Variants in FGF13 observed in about 807,000 individuals in gnomAD.
The protein encoded by FGF13 is fibroblast growth factor homologous factor 2.
In FGF13, 2 loss-of-function variants were observed where a neutral mutation model predicts 19.5. The observed-to-expected ratio is 0.10, with a 90% confidence interval of 0.04 to 0.32. FGF13 has a LOEUF of 0.32. FGF13 is among the 10% of genes least tolerant of loss of function. The pLI is 1.00. For missense variants in FGF13, 113 were observed against 192.7 expected (o/e 0.59, Z 2.45); for synonymous variants, 72 against 76.9 (o/e 0.94, Z 0.33).
intron 1 of FGF13, among the ~76,000 whole-genome samples, chrX:139,160,642 A>C (rs1193306728): frequency 8.9e-6 from 1 of 112,135 alleles, no homozygotes; most frequent in African/African-American, 3.2e-5. Flanking sequence ...AAATAGACAC[A>C]ATAAAAAATG....
At chrX:138,814,219 C>A (rs1371354077) in intron 3 of FGF13, among the ~76,000 whole-genome samples, 1 of 109,612 alleles carries the variant, frequency 9.1e-6, no homozygotes, top group African/African-American at 3.3e-5. Flanking sequence ...TAGAATTAGA[C>A]AAGTTGTCAC....
intron 1 of FGF13, among the ~76,000 whole-genome samples, chrX:139,089,917 C>T (rs780201092): frequency 3.6e-5 from 4 of 111,149 alleles, no homozygotes; most frequent in Admixed American, 9.6e-5. Flanking sequence ...TAACTCACTG[C>T]GGCCTTGAAC....
intron 1 of FGF13, among the ~76,000 whole-genome samples, chrX:139,131,417 G>A (rs923289103): frequency 9.4e-6 from 1 of 106,508 alleles, no homozygotes; most frequent in Non-Finnish European, 1.9e-5. Context: ...GTGTGTGTGT[G>A]TGTGTGCAAA....
intron 1 of FGF13, among the ~76,000 whole-genome samples, chrX:139,034,570 T>C (rs1319811378): frequency 2.7e-5 from 3 of 111,007 alleles, no homozygotes; most frequent in African/African-American, 9.8e-5. Context: ...AGAGATCTCA[T>C]AGGCTATGGT....
intron 1 of FGF13, among the ~76,000 whole-genome samples, chrX:138,969,770 C>T (rs2091908194): frequency 8.9e-6 from 1 of 111,755 alleles, no homozygotes; most frequent in African/African-American, 3.3e-5. Flanking sequence ...AAGTCTAACA[C>T]CAATGGAAAT....
chrX:139,030,373 G>A (rs898345487), intron 1 of FGF13, among the ~76,000 whole-genome samples: 5 of 111,276 alleles, frequency 4.5e-5, no homozygotes, highest in African/African-American at 1.6e-4. Context: ...CAGACACTGT[G>A]GTGGTAGCTT....
intron 3 of FGF13, among the ~76,000 whole-genome samples, chrX:138,668,695 T>TG (rs1362231824): frequency 9.2e-6 from 1 of 108,876 alleles, no homozygotes; most frequent in Non-Finnish European, 1.9e-5. Flanking sequence ...GGCTGGAAAC[T>TG]GGGGGTGGGG....
chrX:139,075,793 T>C (rs888426453), intron 1 of FGF13, among the ~76,000 whole-genome samples: 4 of 111,490 alleles, frequency 3.6e-5, no homozygotes, highest in Non-Finnish European at 7.5e-5. Context: ...ACCAAACCAA[T>C]AGCAAATTGT....
At chrX:138,752,153 G>A (rs1308998858) in intron 3 of FGF13, among the ~76,000 whole-genome samples, 4 of 111,950 alleles carry the variant, frequency 3.6e-5, no homozygotes, top group African/African-American at 6.5e-5. Context: ...ACGGCCAGGC[G>A]CGGTGACTCA....
chrX:138,983,020 G>A (rs987762084), intron 1 of FGF13, among the ~76,000 whole-genome samples: 6 of 111,437 alleles, frequency 5.4e-5, no homozygotes, highest in Non-Finnish European at 9.4e-5. Context: ...TATTAACCTC[G>A]TATCAGATAT....
chrX:138,865,461 CT>C (rs1217726951), intron 1 of FGF13, among the ~76,000 whole-genome samples: 20 of 82,924 alleles, frequency 2.4e-4, no homozygotes, highest in African/African-American at 1.1e-3. Context: ...CTCTCTCTCT[CT>C]CTCTCTCTCT....
intron 1 of FGF13, among the ~76,000 whole-genome samples, chrX:138,958,090 C>T (rs1225266593): frequency 1.8e-5 from 2 of 111,963 alleles, no homozygotes; most frequent in South Asian, 3.7e-4. Context: ...GAGAAGGCCT[C>T]CCTGCCTTGT....
chrX:138,822,969 C>A (rs2091009020), intron 3 of FGF13, among the ~76,000 whole-genome samples: 1 of 111,742 alleles, frequency 8.9e-6, no homozygotes, highest in South Asian at 3.8e-4. Context: ...ATAACCAACA[C>A]TGCACAGAGT....
intron 1 of FGF13, among the ~76,000 whole-genome samples, chrX:139,036,116 G>A (rs375489198): frequency 1.8e-4 from 20 of 111,883 alleles, no homozygotes; most frequent in African/African-American, 5.2e-4. Flanking sequence ...GAACATTTGC[G>A]AATTCTATTG....
intron 1 of FGF13, among the ~76,000 whole-genome samples, chrX:138,974,858 G>T (rs974307092): frequency 8.9e-6 from 1 of 112,311 alleles, no homozygotes; most frequent in Non-Finnish European, 1.9e-5. Context: ...AATCATATGC[G>T]GTACCTGTTT....
At chrX:138,862,158 C>G (rs2091291796) in intron 2 of FGF13, among the ~76,000 whole-genome samples, 1 of 112,066 alleles carries the variant, frequency 8.9e-6, no homozygotes, top group Non-Finnish European at 1.9e-5. Flanking sequence ...CAACCAGAGA[C>G]AGCCTAGGAA....
chrX:139,078,976 T>G (rs773441067), intron 1 of FGF13, among the ~76,000 whole-genome samples: 1 of 112,738 alleles, frequency 8.9e-6, no homozygotes, highest in Non-Finnish European at 1.9e-5. Context: ...ATACATTTCA[T>G]AGAAGAGTAA....
chrX:138,925,699 C>G (rs909522510), intron 1 of FGF13, among the ~76,000 whole-genome samples: 2 of 111,366 alleles, frequency 1.8e-5, no homozygotes, highest in Non-Finnish European at 3.8e-5. Flanking sequence ...ATCCACATCC[C>G]CCACTGCTCC....
At chrX:138,967,667 T>G (rs776607628) in intron 1 of FGF13, among the ~76,000 whole-genome samples, 23 of 111,312 alleles carry the variant, frequency 2.1e-4, no homozygotes, top group Middle Eastern at 4.6e-3. Flanking sequence ...AAGCCACAAT[T>G]TTGAATACAA....
Sources: allele counts gnomAD v4.1 joint callset (sites outside exome capture counted in the v4.1 genomes callset), GRCh38; gene constraint gnomAD v4.1.1; transcripts MANE v1.5; gene names NCBI Gene and HGNC (gene_info 2026-07-23, HGNC 2026-07-21).